KCNB2: variants seen among roughly 807,000 people sequenced by gnomAD.
KCNB2 encodes potassium voltage-gated channel subfamily B member 2, also known as delayed rectifier potassium channel protein.
A neutral mutation model predicts 61.5 loss-of-function variants in KCNB2; 15 were observed. That is an observed-to-expected ratio of 0.24 (90% confidence interval 0.16 to 0.38). The LOEUF is 0.38. Among genes scored for constraint, KCNB2 ranks in the 10% least tolerant of loss-of-function variants. The pLI is 1.00. For missense variants in KCNB2, 828 were observed against 1,125.2 expected (o/e 0.74, Z 3.78); for synonymous variants, 457 against 446.0 (o/e 1.02, Z -0.31).
chr8:72,644,460 T>C (rs1270165134), intron 2 of KCNB2, among the ~76,000 whole-genome samples: 1 of 152,158 alleles, frequency 6.6e-6, no homozygotes, highest in South Asian at 2.1e-4. Flanking sequence ...CAATGTAATA[T>C]GGTGGCACCA....
chr8:72,647,069 C>G (rs1309745194), intron 2 of KCNB2, among the ~76,000 whole-genome samples: 1 of 152,090 alleles, frequency 6.6e-6, no homozygotes, highest in East Asian at 1.9e-4. Flanking sequence ...TTGATGAACA[C>G]GTGAGCATCC....
intron 2 of KCNB2, among the ~76,000 whole-genome samples, chr8:72,659,648 G>A (rs900228366): frequency 2.6e-5 from 4 of 152,056 alleles, no homozygotes; most frequent in African/African-American, 9.7e-5. Flanking sequence ...GAACTTCATT[G>A]TTGTCTTATT....
rs558632156 is a variant in KCNB2 at position 72,773,702 on chromosome 8, C to A, written c.580-162233C>A. Among the ~76,000 whole-genome samples, 7 of 152,324 alleles carry A rather than the reference C, an allele frequency of 4.6e-5. No individual in the cohort carries two copies. In the East Asian group the frequency reaches 1.3e-3, roughly 29 times the overall value. ...TATTATCTGTGATGTTAAGTAAAAT[C>A]TTTCAACTTATCAAATATTTTGAGC... is the stretch of plus-strand genomic sequence containing the variant. On this transcript the variant is annotated intron_variant, in intron 2 of 2. Transcript: ENST00000523207.
chr8:72,669,529 A>G (rs1044218617), intron 2 of KCNB2, among the ~76,000 whole-genome samples: 1 of 152,246 alleles, frequency 6.6e-6, no homozygotes, highest in African/African-American at 2.4e-5. Context: ...CACTGTAATA[A>G]ACAGAAACTT....
intron 2 of KCNB2, among the ~76,000 whole-genome samples, chr8:72,865,436 A>G (rs1474481586): frequency 6.6e-6 from 1 of 152,060 alleles, no homozygotes; most frequent in Non-Finnish European, 1.5e-5. Context: ...GTCCCCTGGA[A>G]CTCCAAGGAC....
At position 72,937,816 on chromosome 8, in the gene KCNB2, G is replaced by T; in HGVS notation, c.2461G>T (p.Ala821Ser). The T allele has an allele frequency of 3.7e-6, 6 of 1,614,096 alleles. No individual in the cohort carries two copies. The highest frequency in any genetic ancestry group is 4.2e-6 in the Non-Finnish European group (5 of 1,180,004). The change falls in exon 3 of 3, where the codon GCA (alanine) becomes TCA (serine). Residue 821 changes from alanine (A) to serine (S), a missense_variant. Transcript: ENST00000523207. ...DDEDFLELPGAREEKQVDSSP... is the reference protein window; with the variant it reads ...DDEDFLELPGSREEKQVDSSP... ...CGAAGACTTCTTAGAGCTCCCAGGG[G>T]CAAGGGAGGAGAAGCAGGTGGACTC...
At chr8:72,797,950 C>T (rs924351447) in intron 2 of KCNB2, among the ~76,000 whole-genome samples, 13 of 152,300 alleles carry the variant, frequency 8.5e-5, no homozygotes, top group African/African-American at 3.1e-4. Context: ...TCTTAGATCC[C>T]ATTTCCTATC....
At chr8:72,584,113 A>AAAAAC (rs1554577537) in intron 2 of KCNB2, among the ~76,000 whole-genome samples, 5 of 150,358 alleles carry the variant, frequency 3.3e-5, no homozygotes, top group African/African-American at 1.2e-4. Context: ...AAACAAAAAA[A>AAAAAC]AACAGAAAAA....
chr8:72,698,707 C>G (rs889562256), intron 2 of KCNB2, among the ~76,000 whole-genome samples: 2 of 152,072 alleles, frequency 1.3e-5, no homozygotes, highest in African/African-American at 4.8e-5. Flanking sequence ...AGAAATAAAG[C>G]TGCACACCTA....
chr8:72,695,829 C>G (rs772238364), intron 2 of KCNB2, among the ~76,000 whole-genome samples: 22 of 152,246 alleles, frequency 1.4e-4, no homozygotes, highest in Non-Finnish European at 2.5e-4. Context: ...TTAACAGAGC[C>G]AAGTTATTCC....
Position 72,845,315 on chromosome 8 carries a change from G to A in KCNB2, c.580-90620G>A, listed in dbSNP as rs182112689. Among the ~76,000 whole-genome samples the A allele has an allele frequency of 3.1e-3, 471 of 152,278 alleles. 3 individuals are homozygous for A. The highest frequency in any genetic ancestry group is 5.8e-3 in the Non-Finnish European group (394 of 68,020). On this transcript the variant is annotated intron_variant, in intron 2 of 2. Coordinates refer to ENST00000523207, the MANE Select transcript of KCNB2 (RefSeq NM_004770.3). ...GCCTGTTCCTTCCTCCAGAAGCTTC[G>A]TCCCAGAGGGGTACCCGCCAGATGC...
intron 2 of KCNB2, among the ~76,000 whole-genome samples, chr8:72,712,593 G>A (rs1415375632): frequency 1.3e-5 from 2 of 152,198 alleles, no homozygotes; most frequent in Non-Finnish European, 2.9e-5. Context: ...ATAGTTTAAT[G>A]TGCTTCAATA....
At chr8:72,892,808 C>A (rs1195709216) in intron 2 of KCNB2, among the ~76,000 whole-genome samples, 1 of 151,982 alleles carries the variant, frequency 6.6e-6, no homozygotes, top group African/African-American at 2.4e-5. Flanking sequence ...AATTTTCCAC[C>A]ATCCTATAGC....
chr8:72,754,080 C>T (rs1470087602), intron 2 of KCNB2, among the ~76,000 whole-genome samples: 1 of 152,014 alleles, frequency 6.6e-6, no homozygotes, highest in Non-Finnish European at 1.5e-5. Flanking sequence ...CTGGAACTCC[C>T]TTAAGACTCA....
At chr8:72,600,272 G>A (rs1206922858) in intron 2 of KCNB2, among the ~76,000 whole-genome samples, 5 of 152,104 alleles carry the variant, frequency 3.3e-5, no homozygotes, top group African/African-American at 9.7e-5. Context: ...CATAAAAAAT[G>A]ATGAGTTCAT....
chr8:72,848,908 A>G (rs68130945), intron 2 of KCNB2, among the ~76,000 whole-genome samples: 34,086 of 151,786 alleles, frequency 0.22, 4,216 homozygotes, highest in Non-Finnish European at 0.28. Flanking sequence ...TTTCACTAGA[A>G]TATCTCAAAA....
intron 2 of KCNB2, among the ~76,000 whole-genome samples, chr8:72,648,567 C>A (rs1008213421): frequency 2.6e-5 from 3 of 113,916 alleles, no homozygotes; most frequent in Non-Finnish European, 5.9e-5. Context: ...AGCCACCACA[C>A]CTGGCTTTTT....
chr8:72,769,612 G>C (rs1283330684), intron 2 of KCNB2, among the ~76,000 whole-genome samples: 1 of 152,156 alleles, frequency 6.6e-6, no homozygotes, highest in Non-Finnish European at 1.5e-5. Context: ...CACTGGACTG[G>C]AGGCTTGGAG....
intron 2 of KCNB2, among the ~76,000 whole-genome samples, chr8:72,781,982 T>G (rs1430442956): frequency 6.6e-6 from 1 of 152,078 alleles, no homozygotes; most frequent in Non-Finnish European, 1.5e-5. Flanking sequence ...AGGGAGAGCA[T>G]CAGGATAAAT....
Sources: allele counts gnomAD v4.1 joint callset (sites outside exome capture counted in the v4.1 genomes callset), GRCh38; gene constraint gnomAD v4.1.1; transcripts MANE v1.5; gene names NCBI Gene and HGNC (gene_info 2026-07-23, HGNC 2026-07-21).